GRID1: variants seen among roughly 807,000 people sequenced by gnomAD.
The protein encoded by GRID1 is glutamate ionotropic receptor delta type subunit 1.
Under a neutral mutation model 98.0 loss-of-function variants are expected in GRID1, and 28 were observed. The observed-to-expected ratio is 0.29, with a 90% CI of 0.21 to 0.39. The LOEUF is 0.39. Among genes scored for constraint, GRID1 ranks in the 10% least tolerant of loss-of-function variants. The pLI, the probability that GRID1 is intolerant of heterozygous loss-of-function variation, is 1.00. For missense variants in GRID1, 1,111 were observed against 1,340.5 expected (o/e 0.83, Z 2.67); for synonymous variants, 553 against 538.5 (o/e 1.03, Z -0.37).
chr10:85,951,064 C>A (rs1023044465), intron 4 of GRID1, among the ~76,000 whole-genome samples: 3 of 152,284 alleles, frequency 2.0e-5, no homozygotes, highest in African/African-American at 7.2e-5. Context: ...AGATCCCACT[C>A]CTATCCCCGG....
At position 86,206,545 on chromosome 10, in the gene GRID1, G is replaced by A. The variant is rs1182684342; in HGVS notation, c.339C>T (p.His113=). 3 of 1,614,238 alleles carry A rather than the reference G, an allele frequency of 1.9e-6. No homozygotes were observed. The Admixed American group carries it at 5.0e-5, about 27-fold the overall frequency. ...QSLTDAMHIP[H]LFVQRNPGGS... ...CTCCCGGGTTGCGCTGGACAAAGAG[G>A]TGTGGGATGTGCATGGCATCCGTGA... The change falls in exon 3 of 16, where the codon CAC becomes CAT. Residue 113 remains histidine, a synonymous_variant. Transcript: ENST00000327946. The surrounding 1 kb of genome is among the most constrained non-coding windows in gnomAD (Gnocchi z 4.1).
chr10:85,741,791 C>T (rs919306364), intron 8 of GRID1, among the ~76,000 whole-genome samples: 1 of 152,012 alleles, frequency 6.6e-6, no homozygotes, highest in African/African-American at 2.4e-5. Context: ...TGCCTTTAAC[C>T]CCAACCATCA....
intron 5 of GRID1, among the ~76,000 whole-genome samples, chr10:85,891,998 C>T (rs1042157942): frequency 7.3e-5 from 11 of 151,580 alleles, no homozygotes; most frequent in African/African-American, 2.7e-4. Context: ...ATATTATAAA[C>T]ATATACCATA....
chr10:86,320,693 TAACA>T (rs1447961486), intron 2 of GRID1, among the ~76,000 whole-genome samples: 1 of 152,224 alleles, frequency 6.6e-6, no homozygotes, highest in East Asian at 1.9e-4. Flanking sequence ...ATGTACATTT[TAACA>T]AACACACACA....
At chr10:86,358,808 G>T (rs1381239181) in intron 2 of GRID1, among the ~76,000 whole-genome samples, 1 of 151,458 alleles carries the variant, frequency 6.6e-6, no homozygotes. Flanking sequence ...ATCCAGATGG[G>T]CCCAATATAA....
chr10:85,988,009 CAT>C (rs1426647241), intron 4 of GRID1, among the ~76,000 whole-genome samples: 2 of 152,152 alleles, frequency 1.3e-5, no homozygotes, highest in Admixed American at 1.3e-4. Context: ...CAGAGACCCG[CAT>C]TAAATTCCAG....
At chr10:85,683,701 A>C (rs976766096) in intron 12 of GRID1, among the ~76,000 whole-genome samples, 6 of 152,246 alleles carry the variant, frequency 3.9e-5, no homozygotes, top group African/African-American at 7.2e-5. Flanking sequence ...AAATATTCCT[A>C]TAACTATTAA....
Position 85,613,403 on chromosome 10 carries a change from T to C in GRID1, c.2601+4A>G. 6.2e-7 allele frequency: 1 copy of C among 1,611,042 alleles called. No individual in the cohort carries two copies. Among genetic ancestry groups the C allele is most frequent in the Non-Finnish European group, 8.5e-7 (1 of 1,178,786 alleles). On this transcript the variant is annotated splice_donor_region_variant and intron_variant, in intron 15 of 15. Coordinates refer to ENST00000327946, the MANE Select transcript of GRID1 (RefSeq NM_017551.3). ...AAAGGGAGGGCAGGCCCCAGGGTGC[T>C]GACCTCCTTGGGGGTCTCCTGGTGG...
chr10:86,011,500 T>C (rs757754541), intron 4 of GRID1, among the ~76,000 whole-genome samples: 4 of 152,090 alleles, frequency 2.6e-5, no homozygotes, highest in Non-Finnish European at 5.9e-5. Context: ...GACAATGGCA[T>C]GGATTAGGAT....
At chr10:85,733,855 C>T (rs751538023) in intron 8 of GRID1, among the ~76,000 whole-genome samples, 5 of 151,750 alleles carry the variant, frequency 3.3e-5, no homozygotes, top group African/African-American at 4.8e-5. Context: ...AAATGTGATA[C>T]GTGGATATAT....
chr10:86,030,572 G>A (rs1843172766), intron 4 of GRID1, among the ~76,000 whole-genome samples: 1 of 152,168 alleles, frequency 6.6e-6, no homozygotes, highest in Non-Finnish European at 1.5e-5. Context: ...ATCAACCCCA[G>A]GAGGAGCCCT....
intron 2 of GRID1, among the ~76,000 whole-genome samples, chr10:86,358,237 A>C (rs1397895469): frequency 1.3e-5 from 2 of 152,134 alleles, no homozygotes; most frequent in Non-Finnish European, 2.9e-5. Flanking sequence ...CAGCGAACAA[A>C]AGAGGATGCC....
intron 2 of GRID1, among the ~76,000 whole-genome samples, chr10:86,357,320 G>T (rs1188886080): frequency 6.6e-6 from 1 of 152,210 alleles, no homozygotes; most frequent in Non-Finnish European, 1.5e-5. Flanking sequence ...TATCCCAGAG[G>T]AAGGGGCTGT....
chr10:85,626,252 A>G (rs1331477514), intron 13 of GRID1, among the ~76,000 whole-genome samples: 1 of 152,182 alleles, frequency 6.6e-6, no homozygotes, highest in Non-Finnish European at 1.5e-5. Context: ...AAATTAAATG[A>G]CGTGTCCCAA....
chr10:86,085,894 A>G (rs1428108100), intron 4 of GRID1, among the ~76,000 whole-genome samples: 2 of 151,942 alleles, frequency 1.3e-5, no homozygotes, highest in Non-Finnish European at 2.9e-5. Flanking sequence ...ATCGGGACCC[A>G]TGGCCTGGGC....
rs1564613351 is a variant in GRID1, at chr10:85,865,971, A to ATATATACATATATATG, written c.951+3038_951+3039insCATATATATGTATATA. On this transcript the variant is annotated intron_variant, in intron 6 of 15. Coordinates refer to ENST00000327946, the MANE Select transcript of GRID1 (RefSeq NM_017551.3). ...CATATATATGGAGAGAGAGAGAGAG[A>ATATATACATATATATG]GAGAGAGAGAGAGAGAGAGAGAGAG... Among the ~76,000 whole-genome samples, 74 of 107,676 alleles carry ATATATACATATATATG rather than the reference A, an allele frequency of 6.9e-4. 1 individual carries two copies. Among genetic ancestry groups the ATATATACATATATATG allele is most frequent in the Non-Finnish European group, 1.4e-3 (68 of 48,402 alleles). The allele number at this position is 107,676 out of a possible 152,430, so 70.6% of individuals were successfully genotyped here.
chr10:86,356,705 C>T (rs1307854277), intron 2 of GRID1, among the ~76,000 whole-genome samples: 4 of 152,218 alleles, frequency 2.6e-5, no homozygotes, highest in Admixed American at 2.0e-4. Context: ...AACTTAGTCT[C>T]CCCTGACTCA....
At chr10:86,156,139 C>T (rs1033389091) in intron 3 of GRID1, among the ~76,000 whole-genome samples, 1 of 152,186 alleles carries the variant, frequency 6.6e-6, no homozygotes, top group Non-Finnish European at 1.5e-5. Context: ...TGGCCTCTAG[C>T]GAAGGTGTGA....
chr10:85,884,024 A>G (rs1156981645), intron 5 of GRID1, among the ~76,000 whole-genome samples: 2 of 152,220 alleles, frequency 1.3e-5, no homozygotes, highest in African/African-American at 4.8e-5. Context: ...TTGCACAATC[A>G]TAAGAAAAAA....
Sources: gnomAD v4.1 joint callset for allele counts (sites outside exome capture counted in the v4.1 genomes callset) on GRCh38, gnomAD v4.1.1 for gene constraint, Gnocchi (gnomAD v3.1) non-coding constraint, MANE v1.5 for transcripts, NCBI Gene and HGNC (gene_info 2026-07-23, HGNC 2026-07-21) for gene names.